Variants in SFMBT1 observed in about 807,000 individuals in gnomAD.
SFMBT1 encodes the protein scm-like with four MBT domains protein 1.
SFMBT1 carries 32 observed loss-of-function variants against 108.7 expected under a neutral mutation model. The ratio of observed to expected loss-of-function variants is 0.29; its 90% CI spans 0.22 to 0.40. SFMBT1 has a LOEUF of 0.40. SFMBT1 is among the 10% of genes least tolerant of loss of function. SFMBT1 has a pLI of 1.00. For synonymous variants in SFMBT1, 348 were observed against 369.5 expected (o/e 0.94, Z 0.67); for missense variants, 816 against 1,059.6 (o/e 0.77, Z 3.19).
intron 10 of SFMBT1, among the ~76,000 whole-genome samples, chr3:52,923,318 C>T (rs1702569414): frequency 6.6e-6 from 1 of 152,082 alleles, no homozygotes; most frequent in Non-Finnish European, 1.5e-5. Context: ...GTAATCCCAG[C>T]ACTTTGGGAG....
intron 1 of SFMBT1, among the ~76,000 whole-genome samples, chr3:52,979,105 T>C (rs1023645536): frequency 2.6e-5 from 4 of 152,096 alleles, no homozygotes; most frequent in Admixed American, 2.0e-4. Context: ...CTGTGAAATA[T>C]ATCTCAGTAA....
rs560822049 is a variant in SFMBT1 at position 52,956,515 on chromosome 3, C to T, written c.29-2104G>A. Among the ~76,000 whole-genome samples, 20 of 152,186 alleles carry T rather than the reference C, an allele frequency of 1.3e-4. 1 individual carries two copies. Among genetic ancestry groups the T allele is most frequent in the Admixed American group, 1.0e-3 (16 of 15,286 alleles). The stretch of plus-strand genomic sequence containing the variant: ...GTGGCTCACGTCTGTAATCCCAGCA[C>T]TTTGGAAGGCCGAGGCTGGTGGACG... On this transcript the variant is annotated intron_variant, in intron 2 of 20. Coordinates refer to ENST00000394752, the MANE Select transcript of SFMBT1 (RefSeq NM_016329.4).
At chr3:52,973,838 C>T (rs571472458) in intron 1 of SFMBT1, among the ~76,000 whole-genome samples, 9 of 152,126 alleles carry the variant, frequency 5.9e-5, no homozygotes, top group African/African-American at 1.9e-4. Context: ...AGGCTGGTCT[C>T]GAACCCCTGA....
intron 19 of SFMBT1, 107 bp downstream of exon 19, chr3:52,906,962 T>A (rs889701485): frequency 2.2e-6 from 3 of 1,376,360 alleles, no homozygotes; most frequent in Non-Finnish European, 2.9e-6. Context: ...AAATTCTACA[T>A]AAGTCTGTAT....
At chr3:52,947,757 C>T (rs1171222169) in intron 3 of SFMBT1, among the ~76,000 whole-genome samples, 1 of 149,634 alleles carries the variant, frequency 6.7e-6, no homozygotes, top group African/African-American at 2.5e-5. Flanking sequence ...TTCCTCGAGA[C>T]AGCGTCTCCT....
chr3:52,991,706 T>A (rs369771253), intron 1 of SFMBT1, among the ~76,000 whole-genome samples: 2 of 152,084 alleles, frequency 1.3e-5, no homozygotes, highest in African/African-American at 4.8e-5. Context: ...CAGGAAGCGA[T>A]TGGATCAATG....
chr3:52,961,058 G>C (rs1474427313), intron 2 of SFMBT1, among the ~76,000 whole-genome samples: 1 of 152,204 alleles, frequency 6.6e-6, no homozygotes, highest in African/African-American at 2.4e-5. Context: ...AGGATCACTT[G>C]CAAGGTTGGG....
intron 4 of SFMBT1, 54 bp downstream of exon 4, chr3:52,943,299 C>T: frequency 1.2e-6 from 2 of 1,610,254 alleles, no homozygotes; most frequent in Non-Finnish European, 1.7e-6. Context: ...GTGGACAATC[C>T]AAATTTTCTT....
intron 1 of SFMBT1, among the ~76,000 whole-genome samples, chr3:52,979,185 C>T (rs1222740833): frequency 2.0e-5 from 3 of 149,630 alleles, no homozygotes; most frequent in Admixed American, 6.6e-5. Context: ...ATACAGAAGC[C>T]AATGACAAAA....
intron 3 of SFMBT1, among the ~76,000 whole-genome samples, chr3:52,950,103 A>G (rs1703520444): frequency 6.6e-6 from 1 of 152,220 alleles, no homozygotes; most frequent in South Asian, 2.1e-4. Flanking sequence ...CAAAGTGATT[A>G]CTGATATAGT....
chr3:52,975,747 G>A (rs1000605356), intron 1 of SFMBT1, among the ~76,000 whole-genome samples: 4 of 152,106 alleles, frequency 2.6e-5, no homozygotes, highest in African/African-American at 9.7e-5. Flanking sequence ...GATTACAGGT[G>A]TGTGCTACCA....
At chr3:52,919,317 T>C (rs1466760348) in intron 12 of SFMBT1, among the ~76,000 whole-genome samples, 1 of 152,222 alleles carries the variant, frequency 6.6e-6, no homozygotes, top group Non-Finnish European at 1.5e-5. Flanking sequence ...ATGTGTCAGA[T>C]TTATAGCATG....
intron 2 of SFMBT1, among the ~76,000 whole-genome samples, chr3:52,963,093 A>C (rs1040515069): frequency 1.3e-5 from 2 of 151,892 alleles, no homozygotes; most frequent in African/African-American, 4.8e-5. Flanking sequence ...TCCTGGGTAC[A>C]AGAGGTTCTC....
At chr3:52,974,147 G>T (rs1704438045) in intron 1 of SFMBT1, among the ~76,000 whole-genome samples, 1 of 152,116 alleles carries the variant, frequency 6.6e-6, no homozygotes, top group South Asian at 2.1e-4. Flanking sequence ...ATGTTCGGTG[G>T]CTGGAAAAAC....
intron 1 of SFMBT1, among the ~76,000 whole-genome samples, chr3:53,003,736 A>G (rs1254195440): frequency 7.3e-6 from 1 of 137,156 alleles, no homozygotes; most frequent in Non-Finnish European, 1.6e-5. Flanking sequence ...AAACTGCTGC[A>G]TTTGTCAGTA....
intron 1 of SFMBT1, among the ~76,000 whole-genome samples, chr3:53,025,138 T>C (rs1362809427): frequency 6.6e-6 from 1 of 152,148 alleles, no homozygotes; most frequent in Non-Finnish European, 1.5e-5. Flanking sequence ...AGAAAAAACA[T>C]GACCTTCTTA....
At chr3:52,982,400 G>C (rs1704743436) in intron 1 of SFMBT1, among the ~76,000 whole-genome samples, 1 of 152,162 alleles carries the variant, frequency 6.6e-6, no homozygotes, top group South Asian at 2.1e-4. Context: ...AGAGGTTGTA[G>C]ATACGGCCAA....
At chr3:52,981,513 C>T (rs1045618934) in intron 1 of SFMBT1, among the ~76,000 whole-genome samples, 2 of 150,154 alleles carry the variant, frequency 1.3e-5, no homozygotes, top group African/African-American at 4.9e-5. Context: ...CAGGCATATG[C>T]CACCATGCTC....
At chr3:52,953,408 G>C (rs1057439813) in intron 3 of SFMBT1, among the ~76,000 whole-genome samples, 1 of 151,576 alleles carries the variant, frequency 6.6e-6, no homozygotes, top group African/African-American at 2.4e-5. Flanking sequence ...AGCTATGATG[G>C]GCGATGGAGT....
Sources: allele counts gnomAD v4.1 joint callset (sites outside exome capture counted in the v4.1 genomes callset), GRCh38; gene constraint gnomAD v4.1.1; transcripts MANE v1.5; gene names NCBI Gene and HGNC (gene_info 2026-07-23, HGNC 2026-07-21).